LPP: variants seen among roughly 807,000 people sequenced by gnomAD.
LPP encodes lipoma-preferred partner.
A neutral mutation model predicts 60.4 loss-of-function variants in LPP; 38 were observed. That is an observed-to-expected ratio of 0.63 (90% CI 0.49 to 0.83). The LOEUF is 0.83. LPP is among the 40% of genes least tolerant of loss of function. The probability of loss-of-function intolerance (pLI) is 0.00; values close to 1 mark genes in which losing one functional copy is unlikely to be tolerated. For missense variants in LPP, 902 were observed against 783.6 expected (o/e 1.15, Z -1.80); for synonymous variants, 328 against 290.8 (o/e 1.13, Z -1.30).
At chr3:188,427,629 G>C (rs1162064214) in intron 4 of LPP, among the ~76,000 whole-genome samples, 1 of 152,138 alleles carries the variant, frequency 6.6e-6, no homozygotes, top group Non-Finnish European at 1.5e-5. Context: ...GGAATCTATA[G>C]CGGCAGTCTG....
At chr3:188,867,881 C>T (rs1340669744) in intron 10 of LPP, among the ~76,000 whole-genome samples, 1 of 152,142 alleles carries the variant, frequency 6.6e-6, no homozygotes, top group Non-Finnish European at 1.5e-5. Flanking sequence ...CCAGGAAGCA[C>T]TTACCCCAAG....
At chr3:188,831,329 C>T (rs1757081861) in intron 9 of LPP, among the ~76,000 whole-genome samples, 1 of 152,184 alleles carries the variant, frequency 6.6e-6, no homozygotes, top group Non-Finnish European at 1.5e-5. Context: ...AAATCAAGCA[C>T]TGGGGCTCAA....
chr3:188,690,323 G>A (rs974806285), intron 7 of LPP, among the ~76,000 whole-genome samples: 3 of 152,120 alleles, frequency 2.0e-5, no homozygotes, highest in African/African-American at 7.2e-5. Flanking sequence ...TTTTCCTTTG[G>A]AGGTTAGAGC....
intron 3 of LPP, among the ~76,000 whole-genome samples, chr3:188,385,718 A>G (rs565958553): frequency 2.0e-5 from 3 of 152,320 alleles, no homozygotes; most frequent in East Asian, 3.9e-4. Context: ...TGACTGGAAA[A>G]GATGATAAAG....
Position 188,270,598 on chromosome 3 carries a change from G to A in LPP, c.-67+45071G>A, listed in dbSNP as rs933795791. 9.2e-5 allele frequency among the ~76,000 whole-genome samples: 14 copies of A among 152,130 alleles called. 1 individual carries two copies. In the South Asian group the frequency reaches 1.7e-3, roughly 18 times the overall value. On this transcript the variant is annotated intron_variant, in intron 2 of 11. Coordinates refer to ENST00000617246, the MANE Select transcript of LPP (RefSeq NM_001375462.1). ...ATCAGAGCTCAGTGCCATATATGGC[G>A]AAAAGAGGAACAGGAGCAGGAGTGG...
At chr3:188,681,453 C>T (rs575863489) in intron 7 of LPP, among the ~76,000 whole-genome samples, 2 of 152,304 alleles carry the variant, frequency 1.3e-5, no homozygotes, top group South Asian at 2.1e-4. Flanking sequence ...CCAAAATGTT[C>T]ATAGCATTTG....
intron 2 of LPP, among the ~76,000 whole-genome samples, chr3:188,303,972 G>A (rs1750735606): frequency 6.6e-6 from 1 of 152,112 alleles, no homozygotes; most frequent in African/African-American, 2.4e-5. Context: ...TATACCTTCT[G>A]TGCCATAGAA....
At chr3:188,725,493 C>A (rs980437648) in intron 8 of LPP, 3 of 152,316 alleles carry the variant, frequency 2.0e-5, no homozygotes, top group African/African-American at 7.2e-5. Context: ...ACAGACCACA[C>A]AGCATGTATA....
rs10527365 is a variant in LPP, at chr3:188,607,370, GATATATATATATAT to G, written c.430-1757_430-1744del. 4.8e-3 allele frequency among the ~76,000 whole-genome samples: 491 copies of G among 102,702 alleles called. 12 individuals carry two copies. Among genetic ancestry groups the G allele is most frequent in the Non-Finnish European group, 7.2e-3 (337 of 46,582 alleles). 67.4% of individuals were successfully genotyped at this position (102,702 alleles called of 152,430 possible). On this transcript the variant is annotated intron_variant, in intron 6 of 11. Coordinates refer to ENST00000617246, the MANE Select transcript of LPP (RefSeq NM_001375462.1). ...TATAACTGTATGTTTGAAAATAGAAGATATATATATATATATATATATATATATATATATATATA... is the reference window on the plus strand; with the variant it reads ...TATAACTGTATGTTTGAAAATAGAAGATATATATATATATATATATATATA...
intron 9 of LPP, among the ~76,000 whole-genome samples, chr3:188,833,137 T>G (rs1160335068): frequency 6.6e-6 from 1 of 152,164 alleles, no homozygotes; most frequent in Non-Finnish European, 1.5e-5. Context: ...TGATGATTAT[T>G]ATTAAAATAA....
chr3:188,757,568 C>CG (rs778155508), intron 8 of LPP, among the ~76,000 whole-genome samples: 8 of 152,084 alleles, frequency 5.3e-5, no homozygotes, highest in Non-Finnish European at 1.2e-4. Context: ...TTTTAGGGGA[C>CG]GGGGGGAAGT....
intron 2 of LPP, among the ~76,000 whole-genome samples, chr3:188,338,306 G>T (rs1762197833): frequency 6.6e-6 from 1 of 152,180 alleles, no homozygotes; most frequent in African/African-American, 2.4e-5. Flanking sequence ...TGTGGTATTT[G>T]ATGACTGGAA....
chr3:188,429,822 A>C (rs1701348588), intron 4 of LPP, among the ~76,000 whole-genome samples: 1 of 152,212 alleles, frequency 6.6e-6, no homozygotes. Context: ...TATTGAATGC[A>C]GAAAGGGAAT....
chr3:188,726,698 A>G (rs891244500), intron 8 of LPP, among the ~76,000 whole-genome samples: 5 of 152,132 alleles, frequency 3.3e-5, no homozygotes, highest in Non-Finnish European at 7.3e-5. Flanking sequence ...TGGTCTGCCT[A>G]ATTTTGTTTC....
intron 4 of LPP, among the ~76,000 whole-genome samples, chr3:188,408,279 G>A (rs558510994): frequency 2.4e-4 from 37 of 152,224 alleles, no homozygotes; most frequent in African/African-American, 5.8e-4. Flanking sequence ...AGGCCTGAGC[G>A]TTATGGTGAG....
chr3:188,726,417 C>G (rs1450486438), intron 8 of LPP, among the ~76,000 whole-genome samples: 3 of 152,074 alleles, frequency 2.0e-5, no homozygotes, highest in African/African-American at 7.2e-5. Context: ...CTCTCTTTAT[C>G]AATACTTATT....
intron 2 of LPP, among the ~76,000 whole-genome samples, chr3:188,247,515 G>A (rs1309149430): frequency 6.6e-6 from 1 of 152,102 alleles, no homozygotes; most frequent in African/African-American, 2.4e-5. Flanking sequence ...ATAAAATGAT[G>A]TGATCAGGCT....
chr3:188,420,193 A>G (rs1026348807), intron 4 of LPP, among the ~76,000 whole-genome samples: 12 of 152,132 alleles, frequency 7.9e-5, no homozygotes, highest in African/African-American at 2.9e-4. Context: ...ATTTGCTAAT[A>G]GAGATTTTAG....
chr3:188,674,960 G>A (rs1857692012), intron 7 of LPP, among the ~76,000 whole-genome samples: 1 of 152,182 alleles, frequency 6.6e-6, no homozygotes, highest in African/African-American at 2.4e-5. Context: ...TTACTATTGT[G>A]TTGCATAAGT....
Sources: gnomAD v4.1 joint callset for allele counts (sites outside exome capture counted in the v4.1 genomes callset) on GRCh38, gnomAD v4.1.1 for gene constraint, MANE v1.5 for transcripts, NCBI Gene and HGNC (gene_info 2026-07-23, HGNC 2026-07-21) for gene names.